IL27RA: variants seen among roughly 807,000 people sequenced by gnomAD.
IL27RA encodes the protein interleukin 27 receptor subunit alpha, also known as interleukin-27 receptor subunit alpha.
Under a neutral mutation model 80.8 loss-of-function variants are expected in IL27RA, and 61 were observed. That is an observed-to-expected ratio of 0.76 (90% CI 0.61 to 0.93). The LOEUF (loss-of-function observed/expected upper bound fraction) is 0.93. Among genes scored for constraint, IL27RA ranks in the 40% least tolerant of loss-of-function variants. IL27RA has a pLI of 0.00. For synonymous variants in IL27RA, 316 were observed against 332.5 expected, an observed-to-expected ratio of 0.95 and a Z score of 0.54; for missense variants, 735 against 808.1, an observed-to-expected ratio of 0.91 and a Z score of 1.10.
At position 14,039,670 on chromosome 19, in the gene IL27RA, C is replaced by T. The variant is rs373611906; in HGVS notation, c.376+5C>T. On this transcript the variant is annotated splice_donor_5th_base_variant and intron_variant, in intron 3 of 13. Coordinates refer to ENST00000263379, the MANE Select transcript of IL27RA (RefSeq NM_004843.4). The stretch of plus-strand genomic sequence containing the variant: ...TCGTGAACCTAGAAACCCAAAGTAA[C>T]GTGGCAGGAGGGTGGGCGCTCTATG... 1.0e-4 allele frequency: 169 copies of T among 1,610,142 alleles called. 1 individual carries two copies. The highest frequency in any genetic ancestry group is 2.0e-4 in the African/African-American group (15 of 74,828).
At chr19:14,038,661 G>T (rs566691131) in intron 2 of IL27RA, among the ~76,000 whole-genome samples, 2 of 151,696 alleles carry the variant, frequency 1.3e-5, no homozygotes, top group South Asian at 4.2e-4. Context: ...GAGACAGGCG[G>T]ATCACCTGAG....
intron 2 of IL27RA, 111 bp from the exon 3 acceptor site, chr19:14,039,397 G>A (rs1975953296): frequency 4.0e-6 from 5 of 1,249,260 alleles, no homozygotes; most frequent in Admixed American, 2.3e-5. Flanking sequence ...GCAGAGGTGG[G>A]ATTTGAACCC....
Position 14,046,842 on chromosome 19 carries a change from C to A in IL27RA, c.1141+224C>A, listed in dbSNP as rs547766571. 4.0e-5 allele frequency among the ~76,000 whole-genome samples: 6 copies of A among 151,802 alleles called. No individual in the cohort carries two copies. In the East Asian group the frequency reaches 1.2e-3, roughly 30 times the overall value. On this transcript the variant is annotated intron_variant, in intron 8 of 13. Transcript: ENST00000263379. ...TGAAACCCCGTCTCTACTAAAAATA[C>A]AAAAATTAGTGGGGCGTGGTGGCAC... is the stretch of plus-strand genomic sequence containing the variant.
chr19:14,052,007 G>A (rs1326867690), intron 13 of IL27RA, 34 bp downstream of exon 13: 8 of 1,570,964 alleles, frequency 5.1e-6, no homozygotes, highest in Middle Eastern at 1.7e-4. Context: ...GGAGCCCTCT[G>A]GGGGACTGGG....
chr19:14,034,658 TAA>T (rs75758451), intron 2 of IL27RA, among the ~76,000 whole-genome samples: 31 of 119,336 alleles, frequency 2.6e-4, no homozygotes, highest in Admixed American at 4.5e-4. Context: ...AGACTCTGTC[TAA>T]AAAAAAAAAA....
At chr19:14,046,999 A>T (rs909734064) in intron 8 of IL27RA, among the ~76,000 whole-genome samples, 7 of 151,770 alleles carry the variant, frequency 4.6e-5, no homozygotes, top group Admixed American at 2.6e-4. Flanking sequence ...TCAGTCTCAA[A>T]AAATAAATAA....
At chr19:14,040,790 C>G (rs1349714531) in intron 4 of IL27RA, among the ~76,000 whole-genome samples, 1 of 151,086 alleles carries the variant, frequency 6.6e-6, no homozygotes, top group African/African-American at 2.4e-5. Flanking sequence ...TGCCACTGCA[C>G]TCCACACTCC....
chr19:14,049,407 G>T (rs1217721327), intron 10 of IL27RA, 93 bp downstream of exon 10: 2 of 1,348,878 alleles, frequency 1.5e-6, no homozygotes, highest in African/African-American at 2.9e-5. Flanking sequence ...GGGCCTCTTT[G>T]GCCCAGGGAC....
At chr19:14,032,768 T>C (rs1181365159) in intron 2 of IL27RA, among the ~76,000 whole-genome samples, 3 of 134,722 alleles carry the variant, frequency 2.2e-5, no homozygotes, top group Non-Finnish European at 4.6e-5. Flanking sequence ...ATCTCGCCAC[T>C]GCACTCCAGC....
At chr19:14,034,010 C>T (rs977354881) in intron 2 of IL27RA, among the ~76,000 whole-genome samples, 10 of 152,068 alleles carry the variant, frequency 6.6e-5, no homozygotes, top group Non-Finnish European at 1.3e-4. Flanking sequence ...ATAACAGAAC[C>T]TGCCTCCGAA....
intron 4 of IL27RA, among the ~76,000 whole-genome samples, chr19:14,040,371 A>C (rs1975971908): frequency 6.8e-6 from 1 of 146,900 alleles, no homozygotes; most frequent in Non-Finnish European, 1.5e-5. Context: ...CAAAAAAAAA[A>C]AATTTTTTTT....
At position 14,050,774 on chromosome 19, in the gene IL27RA, G is replaced by A. The variant is rs1385880535; in HGVS notation, c.1419G>A (p.Gln473=). The A allele has an allele frequency of 1.2e-6, 2 of 1,612,608 alleles. No individual in the cohort carries two copies. Among genetic ancestry groups the A allele is most frequent in the Non-Finnish European group, 1.7e-6 (2 of 1,179,002 alleles). ...GTTCTCCAGTGAGTGGCAACACACAGAGTGTCACCCTGCCTGACCTTCCTT... is the reference window on the plus strand; with the variant it reads ...GTTCTCCAGTGAGTGGCAACACACAAAGTGTCACCCTGCCTGACCTTCCTT... ...SVCMNVSGNT[Q]SVTLPDLPWG... Residue 473 remains glutamine, a synonymous_variant, in exon 11 of 14, where the codon CAG becomes CAA. Transcript: ENST00000263379.
At chr19:14,045,548 CCGAGAT>C (rs1486567957) in intron 6 of IL27RA, among the ~76,000 whole-genome samples, 3 of 150,594 alleles carry the variant, frequency 2.0e-5, no homozygotes, top group East Asian at 1.9e-4. Flanking sequence ...TTGCAGTGAG[CCGAGAT>C]GGCGCCACTG....
intron 2 of IL27RA, among the ~76,000 whole-genome samples, chr19:14,038,273 G>C (rs527793918): frequency 5.3e-4 from 80 of 151,962 alleles, no homozygotes; most frequent in Non-Finnish European, 1.0e-3. Context: ...CTCTCAAGTA[G>C]TTGGAACCAC....
intron 6 of IL27RA, among the ~76,000 whole-genome samples, chr19:14,045,178 T>C (rs560998718): frequency 6.7e-6 from 1 of 149,492 alleles, no homozygotes; most frequent in East Asian, 2.0e-4. Flanking sequence ...TCCCAGCTAC[T>C]GGGGAGGCTG....
At chr19:14,051,761 G>C (rs1976168953) in intron 12 of IL27RA, 61 bp downstream of exon 12, 1 of 1,453,642 alleles carries the variant, frequency 6.9e-7, no homozygotes, top group East Asian at 2.3e-5. Flanking sequence ...GCATTTTGCT[G>C]AGCTTCCAGG....
chr19:14,037,834 C>CTTTTTTTTTT (rs1555764856), intron 2 of IL27RA, among the ~76,000 whole-genome samples: 4 of 129,420 alleles, frequency 3.1e-5, no homozygotes, highest in African/African-American at 1.1e-4. Flanking sequence ...CTCTCTCTCT[C>CTTTTTTTTTT]TTTTTTTTTT....
intron 2 of IL27RA, among the ~76,000 whole-genome samples, chr19:14,036,880 G>C (rs1386215236): frequency 6.6e-6 from 1 of 151,236 alleles, no homozygotes; most frequent in Non-Finnish European, 1.5e-5. Flanking sequence ...CTGTCGCTCA[G>C]GCTGGAGTGC....
intron 4 of IL27RA, among the ~76,000 whole-genome samples, chr19:14,041,028 C>T (rs112158381): frequency 2.7e-4 from 41 of 151,698 alleles, no homozygotes; most frequent in African/African-American, 9.7e-4. Flanking sequence ...CTCAGCCTCC[C>T]GAGTAGCTGG....
Sources: allele counts gnomAD v4.1 joint callset (sites outside exome capture counted in the v4.1 genomes callset), GRCh38; gene constraint gnomAD v4.1.1; transcripts MANE v1.5; gene names NCBI Gene and HGNC (gene_info 2026-07-23, HGNC 2026-07-21).